The following WNT3 variants were observed in gnomAD, a reference collection of about 807,000 sequenced individuals.
The protein encoded by WNT3 is Wnt family member 3, also known as proto-oncogene Wnt-3.
Under a neutral mutation model 34.2 loss-of-function variants are expected in WNT3, and 7 were observed. The ratio of observed to expected loss-of-function variants is 0.20; its 90% CI spans 0.12 to 0.38. The LOEUF is 0.38. WNT3 is among the 10% of genes least tolerant of loss of function. The pLI, the probability that WNT3 is intolerant of heterozygous loss-of-function variation, is 1.00. For missense variants in WNT3, 267 were observed against 499.8 expected (o/e 0.53, Z 4.44); for synonymous variants, 212 against 211.5 (o/e 1.00, Z -0.02).
At chr17:46,789,971 A>C (rs1322884917) in intron 1 of WNT3, among the ~76,000 whole-genome samples, 1 of 152,102 alleles carries the variant, frequency 6.6e-6, no homozygotes, top group Non-Finnish European at 1.5e-5. Context: ...CACGGCGCTG[A>C]GGATGGGCAG....
intron 1 of WNT3, among the ~76,000 whole-genome samples, chr17:46,794,519 T>C (rs944462441): frequency 2.6e-5 from 4 of 152,198 alleles, no homozygotes; most frequent in African/African-American, 9.7e-5. Context: ...TAGTCAGCTC[T>C]GAGAAGGGCT....
intron 1 of WNT3, among the ~76,000 whole-genome samples, chr17:46,801,857 G>C (rs1034487866): frequency 2.0e-5 from 3 of 152,122 alleles, no homozygotes; most frequent in Non-Finnish European, 4.4e-5. Context: ...CCTTCTTCCC[G>C]ATGCTGTGCC....
chr17:46,773,832 G>A lies in WNT3; in HGVS notation c.158C>T (p.Pro53Leu), dbSNP rs755426927. The A allele has an allele frequency of 6.2e-7, 1 of 1,613,372 alleles. No homozygotes were observed. Residue 53 changes from proline (P) to leucine (L), a missense_variant, in exon 2 of 5, where the codon CCC becomes CTC. Pro to Leu is a moderately conservative substitution (Grantham distance 98, BLOSUM62 -3). Coordinates refer to ENST00000225512, the MANE Select transcript of WNT3 (RefSeq NM_030753.5). ...LLCGSIPGLVPKQLRFCRNYI... is the reference protein window; with the variant it reads ...LLCGSIPGLVLKQLRFCRNYI... ...ATTGCGGCAGAAGCGCAGTTGCTTGGGGACCAGGCCTGGGATGGAGCCGCA... is the reference window on the plus strand; with the variant it reads ...ATTGCGGCAGAAGCGCAGTTGCTTGAGGACCAGGCCTGGGATGGAGCCGCA...
Position 46,769,569 on chromosome 17 carries a change from C to G in WNT3, c.588+214G>C, listed in dbSNP as rs374152879. On this transcript the variant is annotated intron_variant, in intron 3 of 4. Coordinates refer to ENST00000225512, the MANE Select transcript of WNT3 (RefSeq NM_030753.5). ...GGCCATGCTCCCAGGCCGACTCATC[C>G]CGGGTGGGGTGGAGTCCAGGAACTG... 2.6e-5 allele frequency among the ~76,000 whole-genome samples: 4 copies of G among 152,070 alleles called. No homozygotes were observed. In the South Asian group the frequency reaches 6.2e-4, roughly 24 times the overall value.
intron 1 of WNT3, among the ~76,000 whole-genome samples, chr17:46,778,462 A>G (rs905724999): frequency 1.3e-5 from 2 of 152,168 alleles, no homozygotes; most frequent in Non-Finnish European, 2.9e-5. Context: ...TCGGAGACTA[A>G]AGAGGCTGTG....
Position 46,808,334 on chromosome 17 carries a change from C to T in WNT3, c.80+10184G>A, listed in dbSNP as rs995013024. Among the ~76,000 whole-genome samples the T allele has an allele frequency of 2.0e-5, 3 of 152,208 alleles. 1 individual carries two copies. Among genetic ancestry groups the T allele is most frequent in the South Asian group, 4.1e-4 (2 of 4,830 alleles). On this transcript the variant is annotated intron_variant, in intron 1 of 4. Transcript: ENST00000225512. ...ATCCCCAAATAAGAGACTTCCCAGA[C>T]GTTCACAAATAGTATCTATAAGCCC...
intron 1 of WNT3, among the ~76,000 whole-genome samples, chr17:46,777,111 G>A (rs949823416): frequency 6.6e-6 from 1 of 152,242 alleles, no homozygotes; most frequent in African/African-American, 2.4e-5. Flanking sequence ...CCAGAAGGCT[G>A]AGGCAGGAGA....
chr17:46,802,825 A>C (rs1371349781), intron 1 of WNT3, among the ~76,000 whole-genome samples: 1 of 152,056 alleles, frequency 6.6e-6, no homozygotes, highest in African/African-American at 2.4e-5. Context: ...CGCCCTATGC[A>C]CCTCTTCATC....
rs763517587 is a variant in WNT3, at chr17:46,768,693, T to C, written c.695A>G (p.Asp232Gly). ...WAQPDFRAIG[D>G]FLKDKYDSAS... ...GCTGTCATACTTGTCCTTGAGGAAG[T>C]CACCGATGGCACGGAAGTCAGGCTG... Residue 232 changes from aspartate to glycine, a missense_variant, in exon 4 of 5, where the codon GAC becomes GGC. Transcript: ENST00000225512. The surrounding 1 kb of genome is among the most constrained non-coding windows in gnomAD (Gnocchi z 5.0). 4 of 1,614,102 alleles carry C rather than the reference T, an allele frequency of 2.5e-6. No individual in the cohort carries two copies. Among genetic ancestry groups the C allele is most frequent in the Middle Eastern group, 1.6e-4 (1 of 6,062 alleles).
intron 1 of WNT3, among the ~76,000 whole-genome samples, chr17:46,815,824 G>A (rs1163996226): frequency 1.3e-5 from 2 of 152,120 alleles, no homozygotes; most frequent in Non-Finnish European, 2.9e-5. Context: ...GCTTCCTGTT[G>A]GACCTTCCCT....
intron 1 of WNT3, among the ~76,000 whole-genome samples, chr17:46,784,191 G>A (rs1386405374): frequency 6.6e-6 from 1 of 152,172 alleles, no homozygotes; most frequent in Non-Finnish European, 1.5e-5. Flanking sequence ...TTGGTCCCAT[G>A]AGAAACAGGA....
Position 46,817,635 on chromosome 17 carries a change from C to T in WNT3, c.80+883G>A, listed in dbSNP as rs151256669. ...CCCAGGCCCCCCAGACACGCACAGC[C>T]CCCCCCAAGCACTGCTCCCGGCTTC... On this transcript the variant is annotated intron_variant, in intron 1 of 4. Transcript: ENST00000225512. Among the ~76,000 whole-genome samples, 808 of 143,014 alleles carry T rather than the reference C, an allele frequency of 5.6e-3. 8 individuals carry two copies. The highest frequency in any genetic ancestry group is 0.019 in the African/African-American group (770 of 39,824). 93.8% of individuals were successfully genotyped at this position (143,014 alleles called of 152,430 possible). A position where few individuals can be genotyped will look rare whatever the true frequency, so the allele number is the denominator to read the frequency against.
Position 46,764,588 on chromosome 17 carries a change from C to T in WNT3, c.*42G>A, listed in dbSNP as rs1015010711. On this transcript the variant is annotated 3_prime_UTR_variant, in exon 5 of 5. Transcript: ENST00000225512. Reference sequence around the variant, plus strand: ...GCTTCCCATGAGACTTCGCTGAATCCGCCCAGCCACACACTTCACCCCTTC... The same window carrying T: ...GCTTCCCATGAGACTTCGCTGAATCTGCCCAGCCACACACTTCACCCCTTC... 2.0e-5 allele frequency: 3 copies of T among 152,298 alleles called. No homozygotes were observed. Among genetic ancestry groups the T allele is most frequent in the South Asian group, 2.1e-4 (1 of 4,830 alleles). The allele number at this position is 152,298 out of a possible 1,614,324, so 9.4% of individuals were successfully genotyped here. A position where few individuals can be genotyped will look rare whatever the true frequency, so the allele number is the denominator to read the frequency against.
At chr17:46,814,600 C>T (rs1004635758) in intron 1 of WNT3, among the ~76,000 whole-genome samples, 3 of 152,220 alleles carry the variant, frequency 2.0e-5, no homozygotes, top group African/African-American at 7.2e-5. Flanking sequence ...GTCTGTCTGT[C>T]TGTGGGATCA....
In WNT3 at chr17:46,779,103, A is replaced by ACACACACACACCCC. The variant is rs749719578; in HGVS notation, c.81-5195_81-5194insGGGGTGTGTGTGTG. On this transcript the variant is annotated intron_variant, in intron 1 of 4. Transcript: ENST00000225512. ...CACACACACACACACACACACACAC[A>ACACACACACACCCC]CCCCAGCCCACTCGGCCTTCCAAAG... 8.5e-4 allele frequency among the ~76,000 whole-genome samples: 113 copies of ACACACACACACCCC among 133,648 alleles called. 2 individuals are homozygous for ACACACACACACCCC. The East Asian group carries it at 0.011, about 13-fold the overall frequency. 87.7% of individuals were successfully genotyped at this position (133,648 alleles called of 152,430 possible).
chr17:46,778,511 C>G (rs2059430316), intron 1 of WNT3, among the ~76,000 whole-genome samples: 1 of 152,192 alleles, frequency 6.6e-6, no homozygotes, highest in African/African-American at 2.4e-5. Context: ...TGCCCTTCCC[C>G]AAACATGCCC....
intron 1 of WNT3, among the ~76,000 whole-genome samples, chr17:46,775,609 CTTTTTT>C (rs1223588575): frequency 9.0e-6 from 1 of 111,634 alleles, no homozygotes. Context: ...GCCAGAAGTT[CTTTTTT>C]TTTTTTTTTT....
chr17:46,815,442 C>T (rs1324948544), intron 1 of WNT3, among the ~76,000 whole-genome samples: 1 of 152,160 alleles, frequency 6.6e-6, no homozygotes, highest in Non-Finnish European at 1.5e-5. Flanking sequence ...AGCTACATGA[C>T]TTCCCCTGTA....
At chr17:46,801,865 G>T (rs1197539239) in intron 1 of WNT3, among the ~76,000 whole-genome samples, 2 of 152,126 alleles carry the variant, frequency 1.3e-5, no homozygotes, top group Non-Finnish European at 2.9e-5. Flanking sequence ...CCGATGCTGT[G>T]CCAGTTCGAC....
Sources: allele counts gnomAD v4.1 joint callset (sites outside exome capture counted in the v4.1 genomes callset), GRCh38; gene constraint gnomAD v4.1.1; non-coding constraint Gnocchi (gnomAD v3.1); transcripts MANE v1.5; gene names NCBI Gene and HGNC (gene_info 2026-07-23, HGNC 2026-07-21).